GLIS3: variants seen among roughly 807,000 people sequenced by gnomAD.
GLIS3 encodes the protein GLIS family zinc finger 3.
In GLIS3, 53 loss-of-function variants were observed where a neutral mutation model predicts 78.6. The observed-to-expected ratio is 0.67, with a 90% CI of 0.54 to 0.85. GLIS3 has a LOEUF of 0.85. Ranked by LOEUF, GLIS3 falls within the 40% of genes least tolerant of loss-of-function variation. GLIS3 has a pLI of 0.00. For synonymous variants in GLIS3, 684 were observed against 509.9 expected (o/e 1.34, Z -4.60); for missense variants, 1,703 against 1,231.1 (o/e 1.38, Z -5.74).
chr9:4,009,726 G>A lies in GLIS3; in HGVS notation c.1711-72537C>T, dbSNP rs148514928. Among the ~76,000 whole-genome samples, 5 of 152,350 alleles carry A rather than the reference G, an allele frequency of 3.3e-5. No homozygotes were observed. The East Asian group carries it at 9.6e-4, about 29-fold the overall frequency. Reference sequence around the variant, plus strand: ...ACAAATGTCAGGCACCACCAGAGCGGTGGGCTGAACATTCAGGGATCTGAC... The same window carrying A: ...ACAAATGTCAGGCACCACCAGAGCGATGGGCTGAACATTCAGGGATCTGAC... On this transcript the variant is annotated intron_variant, in intron 4 of 10. Coordinates refer to ENST00000381971, the MANE Select transcript of GLIS3 (RefSeq NM_001042413.2).
rs1817622776 is a variant in GLIS3, at chr9:3,824,529, T to C, written c.*3743A>G. 1 of 152,194 alleles carries C rather than the reference T, an allele frequency of 6.6e-6. No homozygotes were observed. The highest frequency in any genetic ancestry group is 2.4e-5 in the African/African-American group (1 of 41,432). The allele number at this position is 152,194 out of a possible 1,614,324, so 9.4% of individuals were successfully genotyped here. On this transcript the variant is annotated 3_prime_UTR_variant, in exon 11 of 11. Coordinates refer to ENST00000381971, the MANE Select transcript of GLIS3 (RefSeq NM_001042413.2). ...AGTGCACAATCCCTTCATTTTACTT[T>C]TGACATAAAAAAAGGACTTCATGAA...
At chr9:4,117,193 C>G (rs1831718379) in intron 4 of GLIS3, among the ~76,000 whole-genome samples, 2 of 152,154 alleles carry the variant, frequency 1.3e-5, no homozygotes, top group Admixed American at 6.5e-5. Flanking sequence ...TCCTGTGTAT[C>G]CCCTGGGTGA....
chr9:4,462,142 A>G, the GLIS3 span, among the ~76,000 whole-genome samples: 5 of 152,302 alleles, frequency 3.3e-5, no homozygotes, highest in South Asian at 1.0e-3. Context: ...CTCTAGGTCT[A>G]TAAAAGGACT....
intron 9 of GLIS3, among the ~76,000 whole-genome samples, chr9:3,844,071 G>C (rs781507598): frequency 3.9e-5 from 6 of 152,122 alleles, no homozygotes; most frequent in Admixed American, 2.0e-4. Flanking sequence ...GTAAACCAAC[G>C]AGAAATTTTA....
chr9:4,200,433 G>T (rs1043553644), intron 2 of GLIS3, among the ~76,000 whole-genome samples: 1 of 151,970 alleles, frequency 6.6e-6, no homozygotes, highest in African/African-American at 2.4e-5. Flanking sequence ...AAAAAAAACA[G>T]AGAAGATCCA....
chr9:3,829,221 T>G (rs1377147172), intron 10 of GLIS3, 89 bp downstream of exon 10: 2 of 1,110,382 alleles, frequency 1.8e-6, no homozygotes, highest in Non-Finnish European at 2.8e-6. Context: ...ATGTGCTTGG[T>G]CACGTCCAGC....
chr9:4,475,226 T>G, the GLIS3 span, among the ~76,000 whole-genome samples: 20 of 152,100 alleles, frequency 1.3e-4, no homozygotes, highest in Admixed American at 5.2e-4. Context: ...GAAATACATA[T>G]GTCCAGAAAA....
chr9:4,043,276 T>C (rs1182946699), intron 4 of GLIS3, among the ~76,000 whole-genome samples: 1 of 152,208 alleles, frequency 6.6e-6, no homozygotes, highest in East Asian at 1.9e-4. Flanking sequence ...AATTTTTTTT[T>C]CAAGTATGAA....
chr9:4,254,184 G>A (rs1279450213), intron 2 of GLIS3, among the ~76,000 whole-genome samples: 1 of 152,186 alleles, frequency 6.6e-6, no homozygotes, highest in African/African-American at 2.4e-5. Flanking sequence ...TAGGCATAAA[G>A]TGTACAAACA....
chr9:4,092,648 A>G (rs934515384), intron 4 of GLIS3, among the ~76,000 whole-genome samples: 1 of 152,072 alleles, frequency 6.6e-6, no homozygotes, highest in African/African-American at 2.4e-5. Flanking sequence ...TCCACATCTC[A>G]TCCCACTGGA....
Position 4,220,490 on chromosome 9 carries a change from A to C in GLIS3, c.388+65548T>G, listed in dbSNP as rs572782105. Among the ~76,000 whole-genome samples, 3 of 152,346 alleles carry C rather than the reference A, an allele frequency of 2.0e-5. No homozygotes were observed. The East Asian group carries it at 5.8e-4, about 29-fold the overall frequency. ...GCATTAGACAGATTGATGCCCACTG[A>C]TGTAATGCACTGAGAACATACATCA... On this transcript the variant is annotated intron_variant, in intron 2 of 10. Transcript: ENST00000381971.
At position 4,125,821 on chromosome 9, in the gene GLIS3, T is replaced by C; in HGVS notation, c.509A>G (p.Gln170Arg). 2.5e-6 allele frequency: 4 copies of C among 1,614,124 alleles called. No homozygotes were observed. Among genetic ancestry groups the C allele is most frequent in the Non-Finnish European group, 3.4e-6 (4 of 1,180,004 alleles). ...GATCTGGTTGCATGCTGTAGAGACCTGGCTTGCTGGAGGTGAAATGAGTCC... is the reference window on the plus strand; with the variant it reads ...GATCTGGTTGCATGCTGTAGAGACCCGGCTTGCTGGAGGTGAAATGAGTCC... Reference protein sequence around the residue: ...RLGLISPPASQVSTACNQISP... With the variant: ...RLGLISPPASRVSTACNQISP... Residue 170 changes from glutamine (Q) to arginine (R), a missense_variant, in exon 3 of 11, where the codon CAG becomes CGG. Coordinates refer to ENST00000381971, the MANE Select transcript of GLIS3 (RefSeq NM_001042413.2).
intron 4 of GLIS3, among the ~76,000 whole-genome samples, chr9:3,974,259 C>A (rs561445471): frequency 3.6e-4 from 54 of 152,096 alleles, no homozygotes; most frequent in South Asian, 1.7e-3. Context: ...CTGCAATCAA[C>A]AAATTCAGTG....
At chr9:4,098,465 G>A (rs932326584) in intron 4 of GLIS3, among the ~76,000 whole-genome samples, 2 of 152,044 alleles carry the variant, frequency 1.3e-5, no homozygotes, top group African/African-American at 2.4e-5. Flanking sequence ...TGGCTTCATC[G>A]ACTAACCCTC....
At chr9:4,053,607 G>A (rs970263794) in intron 4 of GLIS3, among the ~76,000 whole-genome samples, 1 of 148,848 alleles carries the variant, frequency 6.7e-6, no homozygotes, top group Non-Finnish European at 1.5e-5. Context: ...TTTCTCTAGT[G>A]GATAAATGTC....
At chr9:3,849,164 T>C (rs906617443) in intron 9 of GLIS3, among the ~76,000 whole-genome samples, 10 of 152,118 alleles carry the variant, frequency 6.6e-5, no homozygotes, top group Non-Finnish European at 1.2e-4. Flanking sequence ...CAGTGGAAAG[T>C]ACGGAAACCT....
At chr9:4,232,843 A>G (rs755582889) in intron 2 of GLIS3, among the ~76,000 whole-genome samples, 4 of 152,224 alleles carry the variant, frequency 2.6e-5, no homozygotes, top group Non-Finnish European at 5.9e-5. Flanking sequence ...CAAGATCTAA[A>G]TAGTGGTAAG....
chr9:4,094,654 C>A (rs1323930209), intron 4 of GLIS3, among the ~76,000 whole-genome samples: 1 of 152,166 alleles, frequency 6.6e-6, no homozygotes, highest in East Asian at 1.9e-4. Flanking sequence ...CAAATACTCT[C>A]ATTTCTCAAC....
At chr9:3,907,084 C>A (rs1823757653) in intron 6 of GLIS3, among the ~76,000 whole-genome samples, 1 of 152,178 alleles carries the variant, frequency 6.6e-6, no homozygotes, top group African/African-American at 2.4e-5. Context: ...CCTGACCAGA[C>A]CAGTCCACAC....
Sources: allele counts gnomAD v4.1 joint callset (sites outside exome capture counted in the v4.1 genomes callset), GRCh38; gene constraint gnomAD v4.1.1; transcripts MANE v1.5; gene names NCBI Gene and HGNC (gene_info 2026-07-23, HGNC 2026-07-21).